The following ZNF407 variants were observed in gnomAD, a reference collection of about 807,000 sequenced individuals.
The protein encoded by ZNF407 is zinc finger protein 407.
A neutral mutation model predicts 131.2 loss-of-function variants in ZNF407; 17 were observed. That is an observed-to-expected ratio of 0.13 (90% CI 0.09 to 0.19). ZNF407 has a LOEUF of 0.19. Ranked by LOEUF, ZNF407 falls within the 10% of genes least tolerant of loss-of-function variation. The pLI, the probability that ZNF407 is intolerant of heterozygous loss-of-function variation, is 1.00. For synonymous variants in ZNF407, 1,156 were observed against 1,062.0 expected (o/e 1.09, Z -1.72); for missense variants, 2,681 against 2,830.6 (o/e 0.95, Z 1.20).
rs1323792926 is a variant in ZNF407 at position 74,825,087 on chromosome 18, A to C, written c.4877+43585A>C. ...CAAATCAATAAATGTAATCCATCAC[A>C]TAAACAGAACCAGTGACAAAAACCA... On this transcript the variant is annotated intron_variant, in intron 4 of 8. Coordinates refer to ENST00000299687, the MANE Select transcript of ZNF407 (RefSeq NM_017757.3). Among the ~76,000 whole-genome samples, 4 of 152,252 alleles carry C rather than the reference A, an allele frequency of 2.6e-5. No homozygotes were observed. In the East Asian group the frequency reaches 7.7e-4, roughly 29 times the overall value.
intron 4 of ZNF407, among the ~76,000 whole-genome samples, chr18:74,847,677 G>A (rs535448476): frequency 2.6e-5 from 4 of 152,318 alleles, no homozygotes; most frequent in African/African-American, 9.6e-5. Context: ...GAAGGAGAAA[G>A]TCGACAACAT....
intron 4 of ZNF407, among the ~76,000 whole-genome samples, chr18:74,840,867 T>C (rs1038200086): frequency 2.6e-5 from 4 of 152,244 alleles, no homozygotes; most frequent in Non-Finnish European, 4.4e-5. Flanking sequence ...GGTCTCCTAA[T>C]TAGTCCTCCC....
In ZNF407 at chr18:74,633,780, G is replaced by T. The variant is rs199937540; in HGVS notation, c.2761G>T (p.Val921Phe). 1.4e-4 allele frequency: 225 copies of T among 1,613,974 alleles called. No homozygotes were observed. Among genetic ancestry groups the T allele is most frequent in the Admixed American group, 2.8e-4 (17 of 60,024 alleles). ...TGGAAAACACAGTTCAGATATCATT[G>T]TTGGCCCTGAAGGGGGTAGCCTTGA... The part of the protein sequence containing the change: ...ASGKHSSDII[V>F]GPEGGSLEAG... Residue 921 changes from valine to phenylalanine, a missense_variant, in exon 2 of 9, where the codon GTT (valine) becomes TTT (phenylalanine). Physicochemically the swap from Val to Phe is conservative, Grantham distance 50. Coordinates refer to ENST00000299687, the MANE Select transcript of ZNF407 (RefSeq NM_017757.3).
At chr18:74,809,075 A>C (rs1050093294) in intron 4 of ZNF407, among the ~76,000 whole-genome samples, 5 of 152,148 alleles carry the variant, frequency 3.3e-5, no homozygotes, top group African/African-American at 1.2e-4. Context: ...ATTTATAACA[A>C]GTTATTTCCC....
intron 4 of ZNF407, among the ~76,000 whole-genome samples, chr18:74,875,448 T>A (rs1023980494): frequency 6.6e-6 from 1 of 152,218 alleles, no homozygotes; most frequent in Admixed American, 6.5e-5. Context: ...TTGTCATTCA[T>A]AAAGTTGTAA....
intron 8 of ZNF407, among the ~76,000 whole-genome samples, chr18:74,966,358 G>T (rs1257247370): frequency 2.6e-5 from 4 of 152,142 alleles, no homozygotes; most frequent in African/African-American, 7.2e-5. Flanking sequence ...AGAAATAGGG[G>T]TCTAGTTTCA....
chr18:74,972,178 C>G (rs540784979), intron 8 of ZNF407, among the ~76,000 whole-genome samples: 101 of 152,250 alleles, frequency 6.6e-4, no homozygotes, highest in African/African-American at 2.3e-3. Flanking sequence ...CAAACCATAT[C>G]ACCTCCCTTT....
At chr18:74,916,395 T>C (rs369155425) in intron 7 of ZNF407, among the ~76,000 whole-genome samples, 52 of 98,984 alleles carry the variant, frequency 5.3e-4, no homozygotes, top group South Asian at 1.1e-3. Context: ...TTGTGTGCAG[T>C]ATTGGTTCGA....
intron 3 of ZNF407, among the ~76,000 whole-genome samples, chr18:74,759,349 T>A (rs1004169323): frequency 6.6e-6 from 1 of 152,224 alleles, no homozygotes; most frequent in Admixed American, 6.5e-5. Context: ...ATGTGGTAAT[T>A]ATTGAGTCTC....
chr18:74,627,670 C>T (rs1983844149), intron 1 of ZNF407, among the ~76,000 whole-genome samples: 1 of 152,134 alleles, frequency 6.6e-6, no homozygotes, highest in South Asian at 2.1e-4. Context: ...ATACCAGTCT[C>T]TTGATTCTTT....
Position 75,025,613 on chromosome 18 carries a change from G to A in ZNF407, c.5429-37537G>A, listed in dbSNP as rs534928217. On this transcript the variant is annotated intron_variant, in intron 8 of 8. Transcript: ENST00000299687. ...TTTCCCCACCACCTCTCCCCAAAAGGCATTATATGAAAGCATTTTGTTTGT... is the reference window on the plus strand; with the variant it reads ...TTTCCCCACCACCTCTCCCCAAAAGACATTATATGAAAGCATTTTGTTTGT... Among the ~76,000 whole-genome samples, 4 of 152,206 alleles carry A rather than the reference G, an allele frequency of 2.6e-5. No individual in the cohort carries two copies. The East Asian group carries it at 5.8e-4, about 22-fold the overall frequency.
At chr18:74,956,696 G>C (rs1352471728) in intron 8 of ZNF407, among the ~76,000 whole-genome samples, 2 of 152,168 alleles carry the variant, frequency 1.3e-5, no homozygotes, top group Non-Finnish European at 2.9e-5. Context: ...GTTGAGCCGT[G>C]ACTGGAAGGA....
At chr18:75,060,292 C>A (rs897242510) in intron 8 of ZNF407, 4 of 152,216 alleles carry the variant, frequency 2.6e-5, no homozygotes, top group African/African-American at 9.7e-5. Context: ...GGTCCCTCTT[C>A]CGGGAAGGGT....
intron 4 of ZNF407, among the ~76,000 whole-genome samples, chr18:74,859,197 T>C (rs1970902433): frequency 6.6e-6 from 1 of 152,238 alleles, no homozygotes; most frequent in South Asian, 2.1e-4. Flanking sequence ...AAGTTATAGC[T>C]GAAATTACTA....
chr18:75,064,213 C>A lies in ZNF407; in HGVS notation c.6492C>A (p.Ser2164=). 6.2e-7 allele frequency: 1 copy of A among 1,605,834 alleles called. No individual in the cohort carries two copies. Among genetic ancestry groups the A allele is most frequent in the Non-Finnish European group, 8.5e-7 (1 of 1,177,546 alleles). Residue 2164 remains serine, a synonymous_variant, in exon 9 of 9, where the codon TCC becomes TCA. Transcript: ENST00000299687. ...AMVQESSGGF[S]EGTTHYILTE... is the part of the protein sequence containing the mutation. ...TGCAGGAGTCCAGTGGCGGCTTCTC[C>A]GAGGGCACCACGCACTACATCCTGA...
In ZNF407 at chr18:74,633,837, A is replaced by G; in HGVS notation, c.2818A>G (p.Thr940Ala). The G allele has an allele frequency of 6.2e-7, 1 of 1,614,012 alleles. No individual in the cohort carries two copies. The highest frequency in any genetic ancestry group is 8.5e-7 in the Non-Finnish European group (1 of 1,179,898). Residue 940 changes from threonine to alanine, a missense_variant, in exon 2 of 9, where the codon ACC (threonine) becomes GCC (alanine). Transcript: ENST00000299687. ...AGKKNAGSAV[T>A]MSDEHANKPA... ...TAAAAAGAATGCTGGCTCAGCAGTGACCATGTCAGATGAACATGCTAACAA... is the reference window on the plus strand; with the variant it reads ...TAAAAAGAATGCTGGCTCAGCAGTGGCCATGTCAGATGAACATGCTAACAA...
chr18:75,049,013 C>T (rs537771045), intron 8 of ZNF407, among the ~76,000 whole-genome samples: 1 of 146,646 alleles, frequency 6.8e-6, no homozygotes, highest in South Asian at 2.2e-4. Flanking sequence ...CAGCCACGCT[C>T]CTTGACAGGA....
chr18:74,877,048 G>T (rs1030974962), intron 4 of ZNF407, 149 bp from the exon 5 acceptor site: 1 of 662,230 alleles, frequency 1.5e-6, no homozygotes. Context: ...ATCAATGCCT[G>T]GTTATACAGA....
chr18:74,626,490 G>A (rs1237623393), intron 1 of ZNF407, among the ~76,000 whole-genome samples: 2 of 152,204 alleles, frequency 1.3e-5, no homozygotes, highest in African/African-American at 4.8e-5. Flanking sequence ...GGTCACTGGT[G>A]TGTATGTCAT....
Sources: gnomAD v4.1 joint callset for allele counts (sites outside exome capture counted in the v4.1 genomes callset) on GRCh38, gnomAD v4.1.1 for gene constraint, MANE v1.5 for transcripts, NCBI Gene and HGNC (gene_info 2026-07-23, HGNC 2026-07-21) for gene names.